The following AKAP10 variants were observed in gnomAD, a reference collection of about 807,000 sequenced individuals.
AKAP10 encodes the protein A-kinase anchor protein 10, mitochondrial.
AKAP10 carries 24 observed loss-of-function variants against 80.8 expected under a neutral mutation model. The ratio of observed to expected loss-of-function variants is 0.30; its 90% CI spans 0.22 to 0.42. The LOEUF (loss-of-function observed/expected upper bound fraction) is 0.42. Ranked by LOEUF, AKAP10 falls within the 10% of genes least tolerant of loss-of-function variation. The probability of loss-of-function intolerance (pLI) is 1.00; values close to 1 mark genes in which losing one functional copy is unlikely to be tolerated. For missense variants in AKAP10, 661 were observed against 794.9 expected (o/e 0.83, Z 2.03); for synonymous variants, 291 against 277.7 (o/e 1.05, Z -0.48).
chr17:19,970,719 A>G (rs1164939306), intron 1 of AKAP10, among the ~76,000 whole-genome samples: 1 of 152,144 alleles, frequency 6.6e-6, no homozygotes, highest in East Asian at 1.9e-4. Context: ...GCTACTTAGA[A>G]GGCTGAGGCA....
intron 3 of AKAP10, among the ~76,000 whole-genome samples, chr17:19,961,333 CAG>C (rs1196219175): frequency 6.6e-6 from 1 of 151,412 alleles, no homozygotes; most frequent in East Asian, 1.9e-4. Context: ...GCCTGCGCAA[CAG>C]AGTGAGACCC....
At chr17:19,955,656 G>A (rs758345422) in intron 4 of AKAP10, among the ~76,000 whole-genome samples, 5 of 152,070 alleles carry the variant, frequency 3.3e-5, no homozygotes, top group Non-Finnish European at 5.9e-5. Flanking sequence ...CCAACATGGC[G>A]AAACCCCATC....
chr17:19,928,849 G>A (rs1364145694), intron 10 of AKAP10, among the ~76,000 whole-genome samples: 1 of 152,096 alleles, frequency 6.6e-6, no homozygotes, highest in Non-Finnish European at 1.5e-5. Context: ...CAGCCTGGGC[G>A]ACAGAGCAAG....
chr17:19,917,019 C>T (rs994243890), intron 12 of AKAP10, among the ~76,000 whole-genome samples: 1 of 152,026 alleles, frequency 6.6e-6, no homozygotes, highest in African/African-American at 2.4e-5. Context: ...AACTCCAGCA[C>T]TTTGCAAGGC....
Position 19,920,485 on chromosome 17 carries a change from C to T in AKAP10, c.1752-367G>A, listed in dbSNP as rs562848169. ...ACAATGACTGAAACATATTATAAAG[C>T]CATAGTTGTGTGTATACATACATCT... is the stretch of plus-strand genomic sequence containing the variant. On this transcript the variant is annotated intron_variant, in intron 11 of 14. Coordinates refer to ENST00000225737, the MANE Select transcript of AKAP10 (RefSeq NM_007202.4). Among the ~76,000 whole-genome samples, 37 of 152,186 alleles carry T rather than the reference C, an allele frequency of 2.4e-4. No homozygotes were observed. In the South Asian group the frequency reaches 4.6e-3, roughly 19 times the overall value.
chr17:19,958,637 A>C (rs1567773222), intron 3 of AKAP10, 66 bp from the exon 4 acceptor site: 2 of 1,407,374 alleles, frequency 1.4e-6, no homozygotes, highest in Non-Finnish European at 1.9e-6. Flanking sequence ...CAGATTAGTC[A>C]ATCACTTTTA....
At chr17:19,934,599 T>C (rs891025279) in intron 9 of AKAP10, among the ~76,000 whole-genome samples, 3 of 152,264 alleles carry the variant, frequency 2.0e-5, no homozygotes, top group Non-Finnish European at 4.4e-5. Flanking sequence ...GCTTACCATG[T>C]GTCAGGTACT....
rs2043046342 is a variant in AKAP10 at position 19,941,027 on chromosome 17, G to T, written c.1062-17C>A. 1 of 1,586,486 alleles carries T rather than the reference G, an allele frequency of 6.3e-7. No individual in the cohort carries two copies. The highest frequency in any genetic ancestry group is 8.5e-7 in the Non-Finnish European group (1 of 1,172,326). On this transcript the variant is annotated splice_polypyrimidine_tract_variant and intron_variant, in intron 6 of 14. Coordinates refer to ENST00000225737, the MANE Select transcript of AKAP10 (RefSeq NM_007202.4). Reference sequence around the variant, plus strand: ...CTAAAGTGCCTGCACATGGACAAAAGGGAAAATTTGAGGGAACGACCAAGG... The same window carrying T: ...CTAAAGTGCCTGCACATGGACAAAATGGAAAATTTGAGGGAACGACCAAGG...
intron 11 of AKAP10, among the ~76,000 whole-genome samples, chr17:19,920,939 T>C (rs1022061198): frequency 1.4e-4 from 20 of 143,216 alleles, no homozygotes; most frequent in Admixed American, 6.4e-4. Context: ...CAATGATTAG[T>C]ATCGAGAAAC....
At position 19,963,231 on chromosome 17, in the gene AKAP10, T is replaced by C. The variant is rs921646667; in HGVS notation, c.137-209A>G. ...ACACTCTTTTTTTTTTTTTTTTTTT[T>C]CCCAGACAGAGTCTTGCTCTGTCAC... On this transcript the variant is annotated intron_variant, in intron 2 of 14. Coordinates refer to ENST00000225737, the MANE Select transcript of AKAP10 (RefSeq NM_007202.4). Among the ~76,000 whole-genome samples, 389 of 124,500 alleles carry C rather than the reference T, an allele frequency of 3.1e-3. 2 individuals are homozygous for C. Among genetic ancestry groups the C allele is most frequent in the African/African-American group, 9.4e-3 (281 of 29,910 alleles). 81.7% of individuals were successfully genotyped at this position (124,500 alleles called of 152,430 possible).
At chr17:19,971,661 A>C (rs1362265325) in intron 1 of AKAP10, among the ~76,000 whole-genome samples, 2 of 152,140 alleles carry the variant, frequency 1.3e-5, no homozygotes, top group African/African-American at 4.8e-5. Flanking sequence ...TTATAAATAT[A>C]CCTTTACTCA....
chr17:19,973,619 A>G (rs1235014560), intron 1 of AKAP10, among the ~76,000 whole-genome samples: 1 of 152,238 alleles, frequency 6.6e-6, no homozygotes, highest in Non-Finnish European at 1.5e-5. Flanking sequence ...TGGAAACCAA[A>G]TGGAAGCCTA....
intron 8 of AKAP10, among the ~76,000 whole-genome samples, chr17:19,936,973 C>T (rs1022917203): frequency 1.1e-4 from 16 of 152,048 alleles, no homozygotes; most frequent in African/African-American, 3.9e-4. Context: ...ACAGGACTTA[C>T]TGATGACTCG....
At chr17:19,938,733 GTT>G (rs150912015) in intron 8 of AKAP10, among the ~76,000 whole-genome samples, 7 of 140,732 alleles carry the variant, frequency 5.0e-5, no homozygotes, top group Admixed American at 7.1e-5. Context: ...TACCTTTGTT[GTT>G]TTTTTTTTTT....
At chr17:19,947,540 A>G (rs775745165) in intron 4 of AKAP10, 35 bp from the exon 5 acceptor site, 1 of 1,419,682 alleles carries the variant, frequency 7.0e-7, no homozygotes, top group Non-Finnish European at 1.0e-6. Context: ...AAAACCAAAA[A>G]GCAACTTGGA....
chr17:19,926,029 G>A (rs1316099442), intron 10 of AKAP10, among the ~76,000 whole-genome samples: 1 of 152,128 alleles, frequency 6.6e-6, no homozygotes, highest in African/African-American at 2.4e-5. Context: ...ATTTCTGATA[G>A]AGTGTAAATG....
rs753598190 is a variant in AKAP10 at position 19,906,224 on chromosome 17, G to C, written c.*3C>G. 1 of 1,607,716 alleles carries C rather than the reference G, an allele frequency of 6.2e-7. No individual in the cohort carries two copies. Among genetic ancestry groups the C allele is most frequent in the Admixed American group, 1.7e-5 (1 of 59,712 alleles). On this transcript the variant is annotated 3_prime_UTR_variant, in exon 15 of 15. Coordinates refer to ENST00000225737, the MANE Select transcript of AKAP10 (RefSeq NM_007202.4). The stretch of plus-strand genomic sequence containing the variant: ...GCAGATTTCCTTTATCTCAAGTTTT[G>C]AGTCATAACTGAAAAAAGAAAAGAA...
At chr17:19,920,228 TTTA>T in intron 11 of AKAP10, 110 bp from the exon 12 acceptor site, 1 of 738,882 alleles carries the variant, frequency 1.4e-6, no homozygotes, top group Non-Finnish European at 2.3e-6. Flanking sequence ...AGAAACACAA[TTTA>T]TAGCTATCCT....
chr17:19,942,753 T>C (rs1237702812), intron 5 of AKAP10, among the ~76,000 whole-genome samples: 1 of 152,212 alleles, frequency 6.6e-6, no homozygotes, highest in African/African-American at 2.4e-5. Flanking sequence ...ACATGATGCC[T>C]AGTCTCACTT....
Sources: allele counts gnomAD v4.1 joint callset (sites outside exome capture counted in the v4.1 genomes callset), GRCh38; gene constraint gnomAD v4.1.1; transcripts MANE v1.5; gene names NCBI Gene and HGNC (gene_info 2026-07-23, HGNC 2026-07-21).